Variants in SNX16 observed in about 807,000 individuals in gnomAD.
SNX16 encodes the protein sorting nexin 16.
SNX16 carries 35 observed loss-of-function variants against 36.7 expected under a neutral mutation model. The ratio of observed to expected loss-of-function variants is 0.95; its 90% confidence interval spans 0.73 to 1.27. The LOEUF is 1.27. Among genes scored for constraint, SNX16 ranks in the 50% most tolerant of loss-of-function variants. SNX16 has a pLI of 0.00. For missense variants in SNX16, 367 were observed against 393.6 expected, an observed-to-expected ratio of 0.93 and a Z score of 0.57; for synonymous variants, 134 against 132.0, an observed-to-expected ratio of 1.02 and a Z score of -0.10.
rs11776932 is a variant in SNX16 at position 81,800,694 on chromosome 8, A to G, written c.*803T>C. On this transcript the variant is annotated 3_prime_UTR_variant, in exon 8 of 8. Coordinates refer to ENST00000345957, the MANE Select transcript of SNX16 (RefSeq NM_152836.3). The stretch of plus-strand genomic sequence containing the variant: ...TTTTTGTATAAGCCCCTATTTATTT[A>G]GAATCTATATTTTCGAAAGAATATG... The G allele has an allele frequency of 6.6e-6, 1 of 151,874 alleles. No individual in the cohort carries two copies. The highest frequency in any genetic ancestry group is 1.5e-5 in the Non-Finnish European group (1 of 67,566). The allele number at this position is 151,874 out of a possible 1,614,324, so 9.4% of individuals were successfully genotyped here.
At chr8:81,816,481 C>A (rs527377845) in intron 4 of SNX16, among the ~76,000 whole-genome samples, 71 of 151,792 alleles carry the variant, frequency 4.7e-4, no homozygotes, top group African/African-American at 1.6e-3. Context: ...CGAACCACCG[C>A]GACCGCACCC....
intron 2 of SNX16, among the ~76,000 whole-genome samples, chr8:81,838,989 A>T (rs972776096): frequency 6.6e-6 from 1 of 152,300 alleles, no homozygotes; most frequent in East Asian, 1.9e-4. Flanking sequence ...GCCCAAAAAA[A>T]TTTTAAATTC....
Position 81,807,600 on chromosome 8 carries a change from G to GAATTACT in SNX16, c.682-4379_682-4373dup, listed in dbSNP as rs551696973. On this transcript the variant is annotated intron_variant, in intron 5 of 7. Coordinates refer to ENST00000345957, the MANE Select transcript of SNX16 (RefSeq NM_152836.3). ...TCACACTCAACTATTTAGCATAGAA[G>GAATTACT]AATTACTAATTAGTGCAGTAGGGAT... Among the ~76,000 whole-genome samples the GAATTACT allele has an allele frequency of 4.9e-4, 71 of 143,844 alleles. No individual in the cohort carries two copies. In the Admixed American group the frequency reaches 5.1e-3, roughly 10 times the overall value. The allele number at this position is 143,844 out of a possible 152,430, so 94.4% of individuals were successfully genotyped here.
intron 5 of SNX16, among the ~76,000 whole-genome samples, chr8:81,805,512 A>T (rs763225209): frequency 3.3e-5 from 5 of 152,184 alleles, no homozygotes; most frequent in Non-Finnish European, 7.3e-5. Flanking sequence ...TTCTTTGAGA[A>T]GACTATTAAA....
Position 81,799,791 on chromosome 8 carries a change from C to T in SNX16, c.*1706G>A, listed in dbSNP as rs1809601730. The T allele has an allele frequency of 6.6e-6, 1 of 151,736 alleles. No homozygotes were observed. The highest frequency in any genetic ancestry group is 6.6e-5 in the Admixed American group (1 of 15,244). 9.4% of individuals were successfully genotyped at this position (151,736 alleles called of 1,614,324 possible). On this transcript the variant is annotated 3_prime_UTR_variant, in exon 8 of 8. Transcript: ENST00000345957. ...TTCGCTTTAGAACAGACAGGCAACACTATAATATCTAGAATTTGGCAAAGA... is the reference window on the plus strand; with the variant it reads ...TTCGCTTTAGAACAGACAGGCAACATTATAATATCTAGAATTTGGCAAAGA...
intron 5 of SNX16, chr8:81,808,343 CAGGCAAAGAGGTCGAAGTGGTTCTGGAA>C (rs1810064108): frequency 1.6e-6 from 2 of 1,287,162 alleles, no homozygotes; most frequent in Non-Finnish European, 2.2e-6. Context: ...GTGCTTCATC[CAGGCAAAGAGGTCGAAGTGGTTCTGGAA>C]ACTTTGGTGG....
intron 2 of SNX16, among the ~76,000 whole-genome samples, chr8:81,836,558 C>T (rs945618599): frequency 6.6e-6 from 1 of 152,096 alleles, no homozygotes; most frequent in African/African-American, 2.4e-5. Flanking sequence ...CTTTTGAAGT[C>T]ACCTTTGACC....
intron 3 of SNX16, among the ~76,000 whole-genome samples, chr8:81,827,803 G>T (rs1811081938): frequency 6.6e-6 from 1 of 152,124 alleles, no homozygotes; most frequent in Admixed American, 6.6e-5. Flanking sequence ...TCCAAAGAAG[G>T]AGGAAAGGAC....
At chr8:81,833,726 T>C (rs947644962) in intron 2 of SNX16, among the ~76,000 whole-genome samples, 2 of 152,226 alleles carry the variant, frequency 1.3e-5, no homozygotes, top group East Asian at 3.9e-4. Context: ...TGAATACCCC[T>C]GTTTCTCTAG....
At position 81,817,160 on chromosome 8, in the gene SNX16, G is replaced by C. The variant is rs371053172; in HGVS notation, c.612-1766C>G. On this transcript the variant is annotated intron_variant, in intron 4 of 7. Coordinates refer to ENST00000345957, the MANE Select transcript of SNX16 (RefSeq NM_152836.3). ...AAAGCAAACTGCTAAGAAACATATG[G>C]AAGGGTCCTGTTTAATACTTTCAGT... 3.3e-5 allele frequency among the ~76,000 whole-genome samples: 5 copies of C among 152,268 alleles called. No individual in the cohort carries two copies. In the South Asian group the frequency reaches 1.0e-3, roughly 32 times the overall value.
Position 81,841,007 on chromosome 8 carries a change from G to C in SNX16, c.-96-925C>G, listed in dbSNP as rs573942524. ...GAAACTCTACTGGTGGGAAAGGTAAGAAATGAGTCACCTGGACTTGGAAAG... is the reference window on the plus strand; with the variant it reads ...GAAACTCTACTGGTGGGAAAGGTAACAAATGAGTCACCTGGACTTGGAAAG... On this transcript the variant is annotated intron_variant, in intron 1 of 7. Transcript: ENST00000345957. Among the ~76,000 whole-genome samples the C allele has an allele frequency of 1.2e-4, 18 of 152,302 alleles. No homozygotes were observed. In the South Asian group the frequency reaches 2.3e-3, roughly 19 times the overall value.
intron 2 of SNX16, among the ~76,000 whole-genome samples, chr8:81,831,755 A>G (rs1217992877): frequency 6.6e-6 from 1 of 152,040 alleles, no homozygotes; most frequent in Non-Finnish European, 1.5e-5. Context: ...AAAAGTAGGC[A>G]AAAGACATGA....
chr8:81,808,274 A>T, intron 5 of SNX16: 1 of 1,152,200 alleles, frequency 8.7e-7, no homozygotes, highest in Non-Finnish European at 1.3e-6. Flanking sequence ...CAGAAACACT[A>T]TACCATGAAT....
chr8:81,826,274 T>C (rs549558759), intron 3 of SNX16, among the ~76,000 whole-genome samples: 7 of 152,224 alleles, frequency 4.6e-5, no homozygotes, highest in African/African-American at 1.4e-4. Context: ...TAACTGAACT[T>C]CTTTTTAATG....
intron 5 of SNX16, among the ~76,000 whole-genome samples, chr8:81,813,887 A>G (rs1320718004): frequency 1.3e-5 from 2 of 150,642 alleles, no homozygotes; most frequent in African/African-American, 4.9e-5. Context: ...CTACCTATCC[A>G]AGAGAATGGC....
At chr8:81,816,718 T>G (rs1203688178) in intron 4 of SNX16, among the ~76,000 whole-genome samples, 1 of 152,208 alleles carries the variant, frequency 6.6e-6, no homozygotes, top group Non-Finnish European at 1.5e-5. Flanking sequence ...TGGATCTTCA[T>G]TCACAAATGA....
Position 81,802,472 on chromosome 8 carries a change from T to C in SNX16, c.846A>G (p.Ser282=). 1 of 1,609,236 alleles carries C rather than the reference T, an allele frequency of 6.2e-7. No homozygotes were observed. The highest frequency in any genetic ancestry group is 8.5e-7 in the Non-Finnish European group (1 of 1,177,158). Residue 282 remains serine (S), a synonymous_variant, in exon 7 of 8, where the codon TCA becomes TCG. Transcript: ENST00000345957. ...CACCTTCTGTTTCTGACACATCCAG[T>C]GATTCTTCAGGTTCTAAAGACAATG... is the stretch of plus-strand genomic sequence containing the variant. ...IRTLSLEPEE[S]LDVSETEGEQ...
intron 5 of SNX16, among the ~76,000 whole-genome samples, chr8:81,809,035 T>G (rs532891571): frequency 1.1e-4 from 16 of 152,004 alleles, no homozygotes; most frequent in African/African-American, 3.9e-4. Context: ...AATGTAATAG[T>G]CTGATTGTGA....
intron 2 of SNX16, among the ~76,000 whole-genome samples, chr8:81,837,854 C>T (rs1423889378): frequency 6.6e-6 from 1 of 151,724 alleles, no homozygotes; most frequent in Non-Finnish European, 1.5e-5. Flanking sequence ...GACAGAGTTC[C>T]CTGAAGATTT....
Sources: gnomAD v4.1 joint callset for allele counts (sites outside exome capture counted in the v4.1 genomes callset) on GRCh38, gnomAD v4.1.1 for gene constraint, MANE v1.5 for transcripts, NCBI Gene and HGNC (gene_info 2026-07-23, HGNC 2026-07-21) for gene names.